RIMS2: variants seen among roughly 807,000 people sequenced by gnomAD.
The protein encoded by RIMS2 is regulating synaptic membrane exocytosis protein 2.
Under a neutral mutation model 174.4 loss-of-function variants are expected in RIMS2, and 59 were observed. That is an observed-to-expected ratio of 0.34 (90% CI 0.27 to 0.42). The LOEUF (loss-of-function observed/expected upper bound fraction) is 0.42. Ranked by LOEUF, RIMS2 falls within the 10% of genes least tolerant of loss-of-function variation. The pLI is 1.00. For synonymous variants in RIMS2, 606 were observed against 572.5 expected (o/e 1.06, Z -0.84); for missense variants, 1,620 against 1,666.3 (o/e 0.97, Z 0.48).
chr8:104,136,504 G>A (rs957506009), intron 19 of RIMS2, among the ~76,000 whole-genome samples: 1 of 152,050 alleles, frequency 6.6e-6, no homozygotes, highest in Non-Finnish European at 1.5e-5. Context: ...CATAATATTT[G>A]ACATTTTGTA....
chr8:103,969,112 C>T (rs7815854), intron 15 of RIMS2, among the ~76,000 whole-genome samples: 99,628 of 151,666 alleles, frequency 0.66, 33,487 homozygotes, highest in Non-Finnish European at 0.7. Flanking sequence ...GGAGTGTTTT[C>T]TTCTTTTTCT....
upstream of RIMS2, chr8:103,500,652 C>T: frequency 2.0e-6 from 1 of 489,586 alleles, no homozygotes; most frequent in Non-Finnish European, 3.6e-6. Context: ...AGCCCTTCGC[C>T]CCCGGGAAGA....
intron 15 of RIMS2, among the ~76,000 whole-genome samples, chr8:103,970,836 A>G (rs2092784704): frequency 1.3e-5 from 2 of 152,206 alleles, no homozygotes; most frequent in South Asian, 4.1e-4. Context: ...AAAACATTAC[A>G]AGCTCCTTAC....
intron 1 of RIMS2, among the ~76,000 whole-genome samples, chr8:103,587,469 A>AAAG (rs59840606): frequency 0.014 from 811 of 59,988 alleles, 11 homozygotes; most frequent in Non-Finnish European, 0.019. Flanking sequence ...AGAAAGAAAG[A>AAAG]AACTATGCAC....
At chr8:103,698,952 A>G (rs1439863806) in intron 2 of RIMS2, among the ~76,000 whole-genome samples, 1 of 151,974 alleles carries the variant, frequency 6.6e-6, no homozygotes, top group Non-Finnish European at 1.5e-5. Context: ...GAACTGGTAG[A>G]TTACACCAGT....
intron 14 of RIMS2, among the ~76,000 whole-genome samples, chr8:103,945,980 G>C (rs988705248): frequency 1.3e-5 from 2 of 152,074 alleles, no homozygotes; most frequent in African/African-American, 4.8e-5. Context: ...ATTGTAGTTA[G>C]GACAGTCAGG....
intron 1 of RIMS2, among the ~76,000 whole-genome samples, chr8:103,551,520 T>C (rs949185664): frequency 4.6e-5 from 7 of 152,172 alleles, no homozygotes; most frequent in Admixed American, 2.6e-4. Context: ...ACTGGAAGCA[T>C]TCCCTTTGAA....
chr8:103,945,639 A>G (rs988347234), intron 14 of RIMS2, among the ~76,000 whole-genome samples: 2 of 152,160 alleles, frequency 1.3e-5, no homozygotes, highest in African/African-American at 4.8e-5. Flanking sequence ...TTATTATCCA[A>G]AAGTCAATTA....
chr8:103,764,747 A>G (rs2098149811), intron 2 of RIMS2, among the ~76,000 whole-genome samples: 1 of 152,166 alleles, frequency 6.6e-6, no homozygotes, highest in African/African-American at 2.4e-5. Context: ...TATCAAATAT[A>G]TTATTACCAT....
chr8:103,690,410 T>C (rs2137049550), intron 1 of RIMS2, among the ~76,000 whole-genome samples: 1 of 152,306 alleles, frequency 6.6e-6, no homozygotes, highest in African/African-American at 2.4e-5. Context: ...GAAGGTCAGT[T>C]TCTCCTGTGG....
intron 1 of RIMS2, among the ~76,000 whole-genome samples, chr8:103,602,498 C>T (rs1164035543): frequency 6.6e-6 from 1 of 151,794 alleles, no homozygotes; most frequent in African/African-American, 2.4e-5. Context: ...TTTTGTTCCC[C>T]TCCTAGTATC....
intron 17 of RIMS2, among the ~76,000 whole-genome samples, chr8:103,996,575 C>T: frequency 6.6e-6 from 1 of 151,858 alleles, no homozygotes; most frequent in Non-Finnish European, 1.5e-5. Flanking sequence ...AAAATCACTG[C>T]CTCTCTACAG....
intron 1 of RIMS2, among the ~76,000 whole-genome samples, chr8:103,581,782 C>A (rs796535619): frequency 1.5e-4 from 23 of 152,314 alleles, no homozygotes; most frequent in African/African-American, 5.1e-4. Flanking sequence ...TCATCTCCCC[C>A]ATAAGGATAC....
chr8:104,109,732 A>AT (rs1159356794), intron 19 of RIMS2, among the ~76,000 whole-genome samples: 2 of 152,190 alleles, frequency 1.3e-5, no homozygotes, highest in African/African-American at 4.8e-5. Context: ...GGATAGATCC[A>AT]TTTTGCATTT....
chr8:103,642,697 A>T (rs2096253871), intron 1 of RIMS2, among the ~76,000 whole-genome samples: 1 of 151,908 alleles, frequency 6.6e-6, no homozygotes, highest in South Asian at 2.1e-4. Context: ...CTGAGTGTAG[A>T]CCTATAGGTT....
chr8:104,116,415 T>C (rs1458806953), intron 19 of RIMS2, among the ~76,000 whole-genome samples: 2 of 152,170 alleles, frequency 1.3e-5, no homozygotes, highest in African/African-American at 4.8e-5. Flanking sequence ...TCTTGCCCCA[T>C]GTGGAAATTA....
intron 1 of RIMS2, among the ~76,000 whole-genome samples, chr8:103,562,216 T>C (rs2091700771): frequency 6.6e-6 from 1 of 152,164 alleles, no homozygotes; most frequent in Non-Finnish European, 1.5e-5. Context: ...ATTTCAGCAT[T>C]AACTCAAAAG....
chr8:103,594,594 A>G (rs892672763), intron 1 of RIMS2, among the ~76,000 whole-genome samples: 4 of 151,696 alleles, frequency 2.6e-5, no homozygotes, highest in Non-Finnish European at 5.9e-5. Context: ...TAGCAATTTT[A>G]TACAACACGT....
intron 1 of RIMS2, among the ~76,000 whole-genome samples, chr8:103,661,781 A>G (rs1325574317): frequency 4.6e-5 from 7 of 152,238 alleles, no homozygotes; most frequent in Non-Finnish European, 8.8e-5. Flanking sequence ...CTAGGATTAC[A>G]GGCGTGAGCC....
Sources: allele counts gnomAD v4.1 joint callset (sites outside exome capture counted in the v4.1 genomes callset), GRCh38; gene constraint gnomAD v4.1.1; transcripts MANE v1.5; gene names NCBI Gene and HGNC (gene_info 2026-07-23, HGNC 2026-07-21).